The following INTS6 variants were observed in gnomAD, a reference collection of about 807,000 sequenced individuals.
The protein encoded by INTS6 is DEAD box protein.
Under a neutral mutation model 104.9 loss-of-function variants are expected in INTS6, and 16 were observed. The observed-to-expected ratio is 0.15, with a 90% CI of 0.10 to 0.23. INTS6 has a LOEUF of 0.23. Among genes scored for constraint, INTS6 ranks in the 10% least tolerant of loss-of-function variants. The pLI, the probability that INTS6 is intolerant of heterozygous loss-of-function variation, is 1.00. For missense variants in INTS6, 584 were observed against 1,062.8 expected (o/e 0.55, Z 6.26); for synonymous variants, 324 against 358.7 (o/e 0.90, Z 1.09).
intron 13 of INTS6, 33 bp downstream of exon 13, chr13:51,376,015 T>A (rs1429715866): frequency 6.4e-7 from 1 of 1,551,540 alleles, no homozygotes. Flanking sequence ...AGAAAAAAAA[T>A]TAAAAATACC....
the INTS6 span, among the ~76,000 whole-genome samples, chr13:51,339,134 C>T: frequency 3.9e-5 from 6 of 152,200 alleles, no homozygotes; most frequent in Non-Finnish European, 8.8e-5. Context: ...TTATTAATAA[C>T]TCAAGTTACA....
At chr13:51,433,520 G>C (rs1043636886) in intron 3 of INTS6, among the ~76,000 whole-genome samples, 3 of 152,212 alleles carry the variant, frequency 2.0e-5, no homozygotes, top group Non-Finnish European at 2.9e-5. Context: ...AGCACACTTA[G>C]AATTATCTTT....
chr13:51,368,912 C>A, intron 16 of INTS6, 27 bp downstream of exon 16: 1 of 1,525,484 alleles, frequency 6.6e-7, no homozygotes, highest in South Asian at 1.3e-5. Context: ...GAAATCAGAT[C>A]TGAGGTTCGT....
At chr13:51,450,348 AAAGT>A (rs907427577) in intron 3 of INTS6, 3 of 985,326 alleles carry the variant, frequency 3.0e-6, no homozygotes, top group African/African-American at 3.5e-5. Flanking sequence ...CAAATACATG[AAAGT>A]AAGTGCAATA....
downstream of INTS6, among the ~76,000 whole-genome samples, chr13:51,352,192 T>C (rs948493612): frequency 6.6e-6 from 1 of 152,110 alleles, no homozygotes; most frequent in Non-Finnish European, 1.5e-5. Flanking sequence ...TGCAGATCAA[T>C]TTGGTGAGTA....
chr13:51,370,393 C>G (rs1004160737), intron 15 of INTS6, among the ~76,000 whole-genome samples: 3 of 152,188 alleles, frequency 2.0e-5, no homozygotes, highest in Non-Finnish European at 4.4e-5. Context: ...TTATCACTAT[C>G]TTAGGCCAAT....
intron 3 of INTS6, chr13:51,443,726 A>G (rs925958359): frequency 6.6e-6 from 1 of 152,194 alleles, no homozygotes. Flanking sequence ...CCCAAAAAAC[A>G]AGAAAAGTCC....
Position 51,383,614 on chromosome 13 carries a change from C to A in INTS6, c.1022G>T (p.Arg341Met). 1 of 1,613,804 alleles carries A rather than the reference C, an allele frequency of 6.2e-7. No homozygotes were observed. Among genetic ancestry groups the A allele is most frequent in the Non-Finnish European group, 8.5e-7 (1 of 1,179,896 alleles). Residue 341 changes from arginine (R) to methionine (M), a missense_variant, in exon 8 of 18, where the codon AGG becomes ATG. This residue lies in a region of INTS6 where 144 missense variants were observed against 348.7 expected (regional missense o/e 0.41). Coordinates refer to ENST00000311234, the MANE Select transcript of INTS6 (RefSeq NM_012141.3). The stretch of plus-strand genomic sequence containing the variant: ...CTGCCAACATGTTTGAGGAGATTTC[C>A]TTTCCAGGATAAATTGAGTCAGTGG... ...PSPLTQFILERKSPQTCWQVY... is the reference protein window; with the variant it reads ...PSPLTQFILEMKSPQTCWQVY...
At chr13:51,412,041 C>G (rs1456466760) in intron 4 of INTS6, among the ~76,000 whole-genome samples, 1 of 152,098 alleles carries the variant, frequency 6.6e-6, no homozygotes, top group African/African-American at 2.4e-5. Flanking sequence ...GCTAAAGAAG[C>G]CAGCCACATA....
intron 4 of INTS6, among the ~76,000 whole-genome samples, chr13:51,396,725 G>A (rs1956345882): frequency 4.6e-5 from 7 of 152,166 alleles, no homozygotes; most frequent in Admixed American, 4.6e-4. Context: ...ACCAGCACAA[G>A]AGAGCAATCA....
chr13:51,420,870 C>T (rs890337232), intron 4 of INTS6, among the ~76,000 whole-genome samples: 1 of 151,970 alleles, frequency 6.6e-6, no homozygotes, highest in Non-Finnish European at 1.5e-5. Context: ...AGATACTAAC[C>T]TAAAGCTGTG....
chr13:51,361,277 G>C, downstream of INTS6: 2 of 1,603,906 alleles, frequency 1.2e-6, no homozygotes, highest in South Asian at 1.1e-5. Flanking sequence ...TCTGTGGTTA[G>C]GCCAAGATGG....
the INTS6 span, chr13:51,348,256 G>T: frequency 6.2e-7 from 1 of 1,606,458 alleles, no homozygotes; most frequent in Non-Finnish European, 8.5e-7. Flanking sequence ...GGGTGCTGGA[G>T]CTTCCTTACC....
At chr13:51,396,800 C>T (rs1956347741) in intron 4 of INTS6, among the ~76,000 whole-genome samples, 1 of 151,876 alleles carries the variant, frequency 6.6e-6, no homozygotes, top group Non-Finnish European at 1.5e-5. Flanking sequence ...AAATCAGTGG[C>T]ATAAAAAAGC....
intron 3 of INTS6, among the ~76,000 whole-genome samples, chr13:51,431,358 T>C (rs1957086916): frequency 1.3e-5 from 2 of 152,346 alleles, no homozygotes; most frequent in East Asian, 1.9e-4. Context: ...AATTTCTTAA[T>C]GTGCATATGA....
At chr13:51,368,803 T>C (rs1057126572) in intron 16 of INTS6, 136 bp downstream of exon 16, 2 of 888,252 alleles carry the variant, frequency 2.3e-6, no homozygotes, top group African/African-American at 3.4e-5. Context: ...ATAAAGGATC[T>C]TAACTGAGAT....
chr13:51,361,078 A>G (rs1955566905), downstream of INTS6, among the ~76,000 whole-genome samples: 1 of 152,070 alleles, frequency 6.6e-6, no homozygotes, highest in African/African-American at 2.4e-5. Context: ...TTGGTAACAT[A>G]TTGAGTCTTA....
rs746659745 is a variant in INTS6 at position 51,374,307 on chromosome 13, G to C, written c.2005C>G (p.Gln669Glu). Reference sequence around the variant, plus strand: ...ATATGATTGTTTACAACAGGATTCTGCTGTCTGCCTCTTAGTAGTGGAGAC... The same window carrying C: ...ATATGATTGTTTACAACAGGATTCTCCTGTCTGCCTCTTAGTAGTGGAGAC... ...CMSPLLRGRQ[Q>E]NPVVNNHIGG... Residue 669 changes from glutamine to glutamate, a missense_variant, in exon 15 of 18, where the codon CAG (glutamine) becomes GAG (glutamate). Physicochemically the swap from Gln to Glu is conservative, Grantham distance 29 (BLOSUM62 2). Around this residue, in one of 5 missense-constraint regions of INTS6, gnomAD observed 296 missense variants for 437.0 expected, o/e 0.68. Coordinates refer to ENST00000311234, the MANE Select transcript of INTS6 (RefSeq NM_012141.3). 57 of 1,613,926 alleles carry C rather than the reference G, an allele frequency of 3.5e-5. No homozygotes were observed. In the South Asian group the frequency reaches 6.0e-4, roughly 17 times the overall value.
At chr13:51,428,349 G>C (rs777674854) in intron 4 of INTS6, among the ~76,000 whole-genome samples, 21 of 148,016 alleles carry the variant, frequency 1.4e-4, no homozygotes, top group Non-Finnish European at 2.8e-4. Flanking sequence ...TTTTGAGACG[G>C]AGTCTTGCTC....
Sources: gnomAD v4.1 joint callset for allele counts (sites outside exome capture counted in the v4.1 genomes callset) on GRCh38, gnomAD v4.1.1 for gene constraint, gnomAD v4.1.1 regional missense constraint, MANE v1.5 for transcripts, NCBI Gene and HGNC (gene_info 2026-07-23, HGNC 2026-07-21) for gene names.